Variants in ST6GALNAC5 observed in about 807,000 individuals in gnomAD.
ST6GALNAC5 encodes ST6 N-acetylgalactosaminide alpha-2,6-sialyltransferase 5.
ST6GALNAC5 carries 27 observed loss-of-function variants against 33.6 expected under a neutral mutation model. The ratio of observed to expected loss-of-function variants is 0.80; its 90% CI spans 0.59 to 1.11. The LOEUF is 1.11. Ranked by LOEUF, ST6GALNAC5 falls within the 50% of genes least tolerant of loss-of-function variation. The pLI is 0.00. For missense variants in ST6GALNAC5, 428 were observed against 454.0 expected, an observed-to-expected ratio of 0.94 and a Z score of 0.52; for synonymous variants, 194 against 171.2, an observed-to-expected ratio of 1.13 and a Z score of -1.04.
At chr1:76,911,887 A>C (rs1283178047) in intron 2 of ST6GALNAC5, among the ~76,000 whole-genome samples, 1 of 152,098 alleles carries the variant, frequency 6.6e-6, no homozygotes, top group Non-Finnish European at 1.5e-5. Context: ...TCCTGGATTC[A>C]TTAATTTTTT....
intron 2 of ST6GALNAC5, among the ~76,000 whole-genome samples, chr1:76,999,197 G>A (rs371974438): frequency 8.5e-5 from 13 of 152,154 alleles, no homozygotes; most frequent in Non-Finnish European, 1.5e-4. Context: ...CCCTTGTAGC[G>A]TGTTGTGTTT....
intron 2 of ST6GALNAC5, among the ~76,000 whole-genome samples, chr1:76,889,228 C>T (rs1469053144): frequency 1.3e-5 from 2 of 152,050 alleles, no homozygotes; most frequent in Non-Finnish European, 2.9e-5. Context: ...TACATTCCAT[C>T]GTATTGCAGT....
intron 2 of ST6GALNAC5, among the ~76,000 whole-genome samples, chr1:77,022,577 T>G (rs7532977): frequency 0.03 from 4,553 of 152,308 alleles, 87 homozygotes; most frequent in South Asian, 0.054. Context: ...CAAAGGAGGA[T>G]GCTGTGGTCT....
intron 2 of ST6GALNAC5, among the ~76,000 whole-genome samples, chr1:76,914,808 A>G (rs1294406591): frequency 6.6e-6 from 1 of 152,212 alleles, no homozygotes; most frequent in African/African-American, 2.4e-5. Context: ...AAAACACCAA[A>G]AGCAATGGCA....
At chr1:77,048,683 G>C (rs138993549) in intron 3 of ST6GALNAC5, among the ~76,000 whole-genome samples, 40 of 152,278 alleles carry the variant, frequency 2.6e-4, no homozygotes, top group African/African-American at 7.9e-4. Flanking sequence ...CTTCATGGTT[G>C]CTAAAAAGCA....
At chr1:76,917,114 G>A (rs879264809) in intron 2 of ST6GALNAC5, among the ~76,000 whole-genome samples, 17 of 152,180 alleles carry the variant, frequency 1.1e-4, no homozygotes, top group Middle Eastern at 3.4e-3. Context: ...ATTTTGATTT[G>A]GTAAAGGAAA....
At chr1:76,998,706 C>A (rs945718403) in intron 2 of ST6GALNAC5, among the ~76,000 whole-genome samples, 7 of 152,108 alleles carry the variant, frequency 4.6e-5, no homozygotes, top group Admixed American at 3.9e-4. Context: ...AAAACCTGAA[C>A]CATCATTGAG....
chr1:76,876,990 G>A lies in ST6GALNAC5; in HGVS notation c.261+8248G>A, dbSNP rs1446806928. On this transcript the variant is annotated intron_variant, in intron 2 of 4. Coordinates refer to ENST00000477717, the MANE Select transcript of ST6GALNAC5 (RefSeq NM_030965.3). ...GTGCCTTCAGGACCTGCTCAAGCCC[G>A]ATCACGTATACACCACTTCCATTTG... Among the ~76,000 whole-genome samples the A allele has an allele frequency of 6.6e-5, 10 of 152,164 alleles. No individual in the cohort carries two copies. The South Asian group carries it at 1.0e-3, about 16-fold the overall frequency.
intron 2 of ST6GALNAC5, among the ~76,000 whole-genome samples, chr1:76,984,120 A>G (rs1357309389): frequency 1.3e-5 from 2 of 152,224 alleles, no homozygotes; most frequent in Admixed American, 1.3e-4. Context: ...GCAAGAGCAA[A>G]CAAATTAAAA....
At chr1:76,908,457 T>C (rs545757696) in intron 2 of ST6GALNAC5, among the ~76,000 whole-genome samples, 20 of 152,274 alleles carry the variant, frequency 1.3e-4, no homozygotes, top group African/African-American at 4.8e-4. Context: ...CTCATAACCT[T>C]ATCACATGGG....
At chr1:76,999,511 T>A (rs1276576804) in intron 2 of ST6GALNAC5, among the ~76,000 whole-genome samples, 1 of 151,814 alleles carries the variant, frequency 6.6e-6, no homozygotes, top group Non-Finnish European at 1.5e-5. Flanking sequence ...TTATTATACT[T>A]TAAGTTTTAG....
chr1:76,942,855 C>T (rs761979459), intron 2 of ST6GALNAC5, among the ~76,000 whole-genome samples: 11 of 152,116 alleles, frequency 7.2e-5, no homozygotes, highest in Non-Finnish European at 1.0e-4. Flanking sequence ...CATATCTAGA[C>T]AGAACTTGAC....
Position 77,044,076 on chromosome 1 carries a change from A to T in ST6GALNAC5, c.262-128A>T, listed in dbSNP as rs1651921008. ...CATAAAGTAATAGCAGAAGGGATAT[A>T]CTCTGACATGATGGGGAGGAGAGAA... On this transcript the variant is annotated intron_variant, in intron 2 of 4. Transcript: ENST00000477717. The T allele has an allele frequency of 2.9e-6, 3 of 1,049,032 alleles. No individual in the cohort carries two copies. The South Asian group carries it at 5.1e-5, about 18-fold the overall frequency. 65.0% of individuals were successfully genotyped at this position (1,049,032 alleles called of 1,614,324 possible).
chr1:77,050,997 C>G (rs1336649009), intron 4 of ST6GALNAC5, among the ~76,000 whole-genome samples: 1 of 152,178 alleles, frequency 6.6e-6, no homozygotes, highest in Admixed American at 6.5e-5. Flanking sequence ...TGCTTGAAAA[C>G]TCGCCTGTAA....
At chr1:76,938,799 G>A (rs575670723) in intron 2 of ST6GALNAC5, among the ~76,000 whole-genome samples, 5 of 152,252 alleles carry the variant, frequency 3.3e-5, no homozygotes, top group Middle Eastern at 3.4e-3. Flanking sequence ...CAGCCCTGAA[G>A]TGGCTAGCAG....
intron 2 of ST6GALNAC5, among the ~76,000 whole-genome samples, chr1:77,037,106 G>A (rs1651670515): frequency 1.3e-5 from 2 of 152,120 alleles, no homozygotes; most frequent in Non-Finnish European, 2.9e-5. Flanking sequence ...GCAAGGGAGA[G>A]TTCTGTACAG....
chr1:76,914,868 G>C (rs936791705), intron 2 of ST6GALNAC5, among the ~76,000 whole-genome samples: 3 of 152,136 alleles, frequency 2.0e-5, no homozygotes, highest in African/African-American at 7.2e-5. Context: ...AAGAACTTCT[G>C]CACAGCAAAA....
At chr1:76,929,269 A>G (rs1647113724) in intron 2 of ST6GALNAC5, among the ~76,000 whole-genome samples, 1 of 152,138 alleles carries the variant, frequency 6.6e-6, no homozygotes, top group Admixed American at 6.5e-5. Flanking sequence ...GTCCAGGTGC[A>G]GGGACTCACA....
intron 2 of ST6GALNAC5, among the ~76,000 whole-genome samples, chr1:76,902,654 A>G (rs1646829978): frequency 6.6e-6 from 1 of 152,210 alleles, no homozygotes; most frequent in South Asian, 2.1e-4. Context: ...CAATAAAGTG[A>G]CGATAATCAA....
Sources: gnomAD v4.1 joint callset for allele counts (sites outside exome capture counted in the v4.1 genomes callset) on GRCh38, gnomAD v4.1.1 for gene constraint, MANE v1.5 for transcripts, NCBI Gene and HGNC (gene_info 2026-07-23, HGNC 2026-07-21) for gene names.